TTC3: variants seen among roughly 807,000 people sequenced by gnomAD.
The protein encoded by TTC3 is tetratricopeptide repeat domain 3, also known as E3 ubiquitin-protein ligase TTC3.
Under a neutral mutation model 249.6 loss-of-function variants are expected in TTC3, and 180 were observed. The ratio of observed to expected loss-of-function variants is 0.72; its 90% CI spans 0.64 to 0.82. TTC3 has a LOEUF of 0.82. TTC3 is among the 40% of genes least tolerant of loss of function. The probability of loss-of-function intolerance (pLI) is 0.00; values close to 1 mark genes in which losing one functional copy is unlikely to be tolerated. For synonymous variants in TTC3, 717 were observed against 805.0 expected (o/e 0.89, Z 1.85); for missense variants, 2,061 against 2,398.4 (o/e 0.86, Z 2.94).
intron 18 of TTC3, among the ~76,000 whole-genome samples, chr21:37,135,782 T>C (rs958697894): frequency 1.3e-5 from 2 of 152,212 alleles, no homozygotes; most frequent in African/African-American, 4.8e-5. Flanking sequence ...TTTTCAACTA[T>C]CTTTAGTCAC....
chr21:37,091,496 T>C (rs1054111743), intron 7 of TTC3, 83 bp downstream of exon 7: 94 of 1,264,246 alleles, frequency 7.4e-5, no homozygotes, highest in Non-Finnish European at 9.6e-5. Context: ...AAGTGATTTC[T>C]GATTTATCTT....
At chr21:37,160,720 T>C in intron 29 of TTC3, 82 bp from the exon 30 acceptor site, 1 of 1,442,924 alleles carries the variant, frequency 6.9e-7, no homozygotes, top group Non-Finnish European at 9.6e-7. Context: ...GGCTAGTCTG[T>C]AAAAACTCAT....
chr21:37,075,360 G>T (rs1256305736), intron 1 of TTC3, among the ~76,000 whole-genome samples: 1 of 152,184 alleles, frequency 6.6e-6, no homozygotes, highest in Non-Finnish European at 1.5e-5. Flanking sequence ...AAACAGTCCT[G>T]CAATAAATAT....
intron 41 of TTC3, 128 bp downstream of exon 41, chr21:37,192,341 T>C: frequency 1.7e-6 from 1 of 597,414 alleles, no homozygotes; most frequent in Non-Finnish European, 2.9e-6. Flanking sequence ...AATGTTTCAT[T>C]ATTGGTGCTA....
At chr21:37,126,449 G>C (rs1263890860) in intron 15 of TTC3, among the ~76,000 whole-genome samples, 1 of 151,748 alleles carries the variant, frequency 6.6e-6, no homozygotes, top group Non-Finnish European at 1.5e-5. Flanking sequence ...GTTTATTATT[G>C]CCTCCCTTCC....
chr21:37,145,039 T>C (rs2078865544), intron 21 of TTC3, among the ~76,000 whole-genome samples: 1 of 152,228 alleles, frequency 6.6e-6, no homozygotes, highest in Admixed American at 6.5e-5. Flanking sequence ...GACTTGGTTG[T>C]ACTTAGAGGA....
intron 19 of TTC3, among the ~76,000 whole-genome samples, chr21:37,139,169 A>G (rs1601715308): frequency 6.6e-6 from 1 of 152,160 alleles, no homozygotes; most frequent in East Asian, 1.9e-4. Context: ...CCAGGAGGGA[A>G]TGGACCTGGG....
rs5843814 is a variant in TTC3, at chr21:37,193,365, G to GAAA, written c.5217+1162_5217+1164dup. Among the ~76,000 whole-genome samples the GAAA allele has an allele frequency of 7.6e-3, 1,131 of 149,608 alleles. 17 individuals are homozygous for GAAA. The highest frequency in any genetic ancestry group is 0.024 in the Admixed American group (360 of 15,068). On this transcript the variant is annotated intron_variant, in intron 41 of 45. Transcript: ENST00000355666. ...ATTCAAACTTACTGTGAATTCATCT[G>GAAA]AAAAAAAAAAAATTAAGTGTGGAAA...
chr21:37,124,814 G>A lies in TTC3; in HGVS notation c.1233+72G>A, dbSNP rs1369811040. On this transcript the variant is annotated intron_variant, in intron 14 of 45. Transcript: ENST00000355666. Reference sequence around the variant, plus strand: ...CATATTTTTACAGTAATATTTTGGTGGTAATAGAAACCAAATTTTTGGCGA... The same window carrying A: ...CATATTTTTACAGTAATATTTTGGTAGTAATAGAAACCAAATTTTTGGCGA... 3 of 1,518,862 alleles carry A rather than the reference G, an allele frequency of 2.0e-6. No homozygotes were observed. In the African/African-American group the frequency reaches 4.2e-5, roughly 22 times the overall value. 94.1% of individuals were successfully genotyped at this position (1,518,862 alleles called of 1,614,324 possible). A position where few individuals can be genotyped will look rare whatever the true frequency, so the allele number is the denominator to read the frequency against.
intron 33 of TTC3, 140 bp from the exon 34 acceptor site, chr21:37,167,415 C>T (rs893327739): frequency 4.5e-5 from 25 of 557,514 alleles, no homozygotes; most frequent in African/African-American, 1.5e-4. Flanking sequence ...TACATGTTTA[C>T]GGAAAGCATG....
At chr21:37,185,581 A>C in intron 36 of TTC3, 125 bp from the exon 37 acceptor site, 1 of 477,758 alleles carries the variant, frequency 2.1e-6, no homozygotes, top group Non-Finnish European at 3.6e-6. Flanking sequence ...ATGAAACAAA[A>C]TGTAAAAATA....
chr21:37,151,023 T>G, intron 25 of TTC3, 139 bp downstream of exon 25: 1 of 551,786 alleles, frequency 1.8e-6, no homozygotes. Flanking sequence ...TTAAAATGAT[T>G]TTTATGGAAA....
intron 36 of TTC3, among the ~76,000 whole-genome samples, chr21:37,184,308 A>G (rs1197183500): frequency 6.6e-6 from 1 of 152,214 alleles, no homozygotes; most frequent in African/African-American, 2.4e-5. Flanking sequence ...GCTGTTAATG[A>G]TAAGAAATTT....
rs73902584 is a variant in TTC3 at position 37,118,511 on chromosome 21, C to T, written c.901-3306C>T. Among the ~76,000 whole-genome samples, 760 of 152,232 alleles carry T rather than the reference C, an allele frequency of 5.0e-3. 7 individuals are homozygous for T. Among genetic ancestry groups the T allele is most frequent in the African/African-American group, 0.017 (713 of 41,536 alleles). On this transcript the variant is annotated intron_variant, in intron 11 of 45. Transcript: ENST00000355666. The stretch of plus-strand genomic sequence containing the variant: ...TATCATATAGGATACAAACTAATAA[C>T]CTCAGAAATGTCCTCAAGAACATTT...
At chr21:37,073,857 C>A (rs1274636672) in intron 1 of TTC3, among the ~76,000 whole-genome samples, 1 of 152,240 alleles carries the variant, frequency 6.6e-6, no homozygotes, top group Non-Finnish European at 1.5e-5. Flanking sequence ...TGCGCGTCCC[C>A]TAGCGCGCGT....
At chr21:37,185,633 G>A (rs2083175124) in intron 36 of TTC3, 73 bp from the exon 37 acceptor site, 4 of 719,982 alleles carry the variant, frequency 5.6e-6, no homozygotes, top group Admixed American at 6.2e-5. Context: ...GGATATGGGT[G>A]CAATTTACTG....
Position 37,117,729 on chromosome 21 carries a change from G to A in TTC3, c.901-4088G>A, listed in dbSNP as rs142897956. Among the ~76,000 whole-genome samples the A allele has an allele frequency of 8.7e-3, 1,317 of 151,222 alleles. 12 individuals carry two copies. The highest frequency in any genetic ancestry group is 0.011 in the Non-Finnish European group (765 of 67,870). On this transcript the variant is annotated intron_variant, in intron 11 of 45. Transcript: ENST00000355666. The stretch of plus-strand genomic sequence containing the variant: ...CATATCTTTACAAAAAATTAGTTGG[G>A]CATGGTGGCATGTGCCTATAATCCC...
intron 18 of TTC3, among the ~76,000 whole-genome samples, chr21:37,136,802 T>G (rs930605308): frequency 2.6e-5 from 4 of 152,164 alleles, no homozygotes; most frequent in Non-Finnish European, 5.9e-5. Flanking sequence ...ATCTAGGACT[T>G]TCATAGCTAG....
At chr21:37,170,236 T>C (rs1000945788) in intron 34 of TTC3, among the ~76,000 whole-genome samples, 14 of 152,112 alleles carry the variant, frequency 9.2e-5, no homozygotes, top group Non-Finnish European at 2.1e-4. Context: ...GTGAAACAGA[T>C]AGAGAACTAA....
Sources: gnomAD v4.1 joint callset for allele counts (sites outside exome capture counted in the v4.1 genomes callset) on GRCh38, gnomAD v4.1.1 for gene constraint, MANE v1.5 for transcripts, NCBI Gene and HGNC (gene_info 2026-07-23, HGNC 2026-07-21) for gene names.